NAALADL2: variants seen among roughly 807,000 people sequenced by gnomAD.
NAALADL2 encodes the protein N-acetylated alpha-linked acidic dipeptidase like 2.
A neutral mutation model predicts 87.2 loss-of-function variants in NAALADL2; 76 were observed. That is an observed-to-expected ratio of 0.87 (90% CI 0.72 to 1.05). NAALADL2 has a LOEUF of 1.05. Ranked by LOEUF, NAALADL2 falls within the 50% of genes least tolerant of loss-of-function variation. NAALADL2 has a pLI of 0.00. For synonymous variants in NAALADL2, 354 were observed against 331.0 expected, an observed-to-expected ratio of 1.07 and a Z score of -0.75; for missense variants, 1,089 against 945.8, an observed-to-expected ratio of 1.15 and a Z score of -1.99.
chr3:174,500,789 C>G (rs1305881772), intron 1 of NAALADL2, among the ~76,000 whole-genome samples: 1 of 151,606 alleles, frequency 6.6e-6, no homozygotes. Flanking sequence ...AAATGTTAAG[C>G]TAGCCTTGCG....
At chr3:174,687,628 G>C (rs1374981296) in intron 2 of NAALADL2, among the ~76,000 whole-genome samples, 1 of 152,110 alleles carries the variant, frequency 6.6e-6, no homozygotes, top group Non-Finnish European at 1.5e-5. Flanking sequence ...TAATTAGGAA[G>C]TGATGGGTTT....
intron 1 of NAALADL2, among the ~76,000 whole-genome samples, chr3:174,969,972 G>A (rs894201428): frequency 3.9e-5 from 6 of 152,180 alleles, no homozygotes; most frequent in African/African-American, 1.4e-4. Flanking sequence ...AAAACAGCAA[G>A]TCAGATGTTG....
Position 175,764,534 on chromosome 3 carries a change from C to A in NAALADL2, c.2189+9116C>A, listed in dbSNP as rs960114826. 5.1e-5 allele frequency among the ~76,000 whole-genome samples: 5 copies of A among 98,702 alleles called. No individual in the cohort carries two copies. In the Admixed American group the frequency reaches 5.2e-4, roughly 10 times the overall value. 64.8% of individuals were successfully genotyped at this position (98,702 alleles called of 152,430 possible). On this transcript the variant is annotated intron_variant, in intron 13 of 13. Coordinates refer to ENST00000454872, the MANE Select transcript of NAALADL2 (RefSeq NM_207015.3). ...GGGGACCATTTCAAGCTAATCCAAG[C>A]CAAGACCATTTTTTTTTTTGTTAGC... is the stretch of plus-strand genomic sequence containing the variant.
chr3:174,807,158 T>G (rs1016217480), intron 3 of NAALADL2, among the ~76,000 whole-genome samples: 1 of 152,150 alleles, frequency 6.6e-6, no homozygotes, highest in Non-Finnish European at 1.5e-5. Flanking sequence ...CTTTATGATG[T>G]GCTACTTTAA....
intron 12 of NAALADL2, 85 bp downstream of exon 12, chr3:175,737,484 GA>G: frequency 1.2e-6 from 1 of 815,300 alleles, no homozygotes; most frequent in South Asian, 1.4e-5. Context: ...AGTCATCAAT[GA>G]TCTTACTAGC....
At chr3:174,763,914 C>A (rs981765400) in intron 3 of NAALADL2, among the ~76,000 whole-genome samples, 2 of 151,682 alleles carry the variant, frequency 1.3e-5, no homozygotes, top group African/African-American at 2.4e-5. Flanking sequence ...TGGTGTGTAA[C>A]CAAAGTTAAC....
At chr3:175,022,933 C>A (rs186662604) in intron 1 of NAALADL2, among the ~76,000 whole-genome samples, 1 of 152,060 alleles carries the variant, frequency 6.6e-6, no homozygotes, top group Non-Finnish European at 1.5e-5. Context: ...CTCCCTGCTC[C>A]GGAAGAGCCC....
chr3:175,166,247 T>G (rs552161312), intron 2 of NAALADL2, among the ~76,000 whole-genome samples: 1 of 152,188 alleles, frequency 6.6e-6, no homozygotes, highest in Non-Finnish European at 1.5e-5. Flanking sequence ...GCACATAAAC[T>G]TATTATACAA....
intron 3 of NAALADL2, among the ~76,000 whole-genome samples, chr3:174,738,713 A>C (rs563021431): frequency 2.0e-5 from 3 of 152,294 alleles, no homozygotes; most frequent in South Asian, 4.1e-4. Flanking sequence ...TGTCTATAGA[A>C]TTTTGTTACT....
At chr3:174,601,354 A>C (rs977792192) in intron 2 of NAALADL2, among the ~76,000 whole-genome samples, 2 of 152,086 alleles carry the variant, frequency 1.3e-5, no homozygotes, top group African/African-American at 4.8e-5. Context: ...GTGAGATGCT[A>C]TCTCATTGTA....
intron 13 of NAALADL2, among the ~76,000 whole-genome samples, chr3:175,800,003 G>A (rs1323942268): frequency 6.6e-6 from 1 of 152,144 alleles, no homozygotes; most frequent in Non-Finnish European, 1.5e-5. Context: ...CCTGGTACTG[G>A]ATGATGAATC....
chr3:175,699,562 G>A (rs1738686745), intron 11 of NAALADL2, among the ~76,000 whole-genome samples: 1 of 151,988 alleles, frequency 6.6e-6, no homozygotes, highest in Non-Finnish European at 1.5e-5. Context: ...TCAGTTACTT[G>A]AGAGGTGAGA....
chr3:175,807,747 T>C lies in NAALADL2; in HGVS notation c.*4544T>C, dbSNP rs2108382468. 1 of 152,060 alleles carries C rather than the reference T, an allele frequency of 6.6e-6. No individual in the cohort carries two copies. The highest frequency in any genetic ancestry group is 2.1e-4 in the South Asian group (1 of 4,830). 9.4% of individuals were successfully genotyped at this position (152,060 alleles called of 1,614,324 possible). On this transcript the variant is annotated 3_prime_UTR_variant, in exon 14 of 14. Coordinates refer to ENST00000454872, the MANE Select transcript of NAALADL2 (RefSeq NM_207015.3). ...ATATATATATTCTGCCCAGCCACACTGGTGAGTTTTTATTTCTTGTATGAG... is the reference window on the plus strand; with the variant it reads ...ATATATATATTCTGCCCAGCCACACCGGTGAGTTTTTATTTCTTGTATGAG...
rs2108363894 is a variant in NAALADL2 at position 175,803,774 on chromosome 3, A to G, written c.*571A>G. The G allele has an allele frequency of 6.6e-6, 1 of 152,544 alleles. No homozygotes were observed. Among genetic ancestry groups the G allele is most frequent in the Non-Finnish European group, 1.5e-5 (1 of 67,930 alleles). The allele number at this position is 152,544 out of a possible 1,614,324, so 9.4% of individuals were successfully genotyped here. On this transcript the variant is annotated 3_prime_UTR_variant, in exon 14 of 14. Coordinates refer to ENST00000454872, the MANE Select transcript of NAALADL2 (RefSeq NM_207015.3). Reference sequence around the variant, plus strand: ...GATGTAGTAATACACTGGTTATGAAATTGTATTTTTTTAAGTATTAATGAA... The same window carrying G: ...GATGTAGTAATACACTGGTTATGAAGTTGTATTTTTTTAAGTATTAATGAA...
chr3:174,829,302 T>TC (rs1722357792), intron 3 of NAALADL2, among the ~76,000 whole-genome samples: 1 of 150,392 alleles, frequency 6.6e-6, no homozygotes, highest in Non-Finnish European at 1.5e-5. Flanking sequence ...AGTGTGATGT[T>TC]CCCCTTCCTG....
At chr3:175,088,017 A>G (rs1228615875) in intron 1 of NAALADL2, among the ~76,000 whole-genome samples, 4 of 152,036 alleles carry the variant, frequency 2.6e-5, no homozygotes, top group Non-Finnish European at 5.9e-5. Flanking sequence ...TCTTTCCATT[A>G]CTGTATTCCT....
chr3:175,311,898 A>C (rs1480156106), intron 4 of NAALADL2, among the ~76,000 whole-genome samples: 1 of 152,200 alleles, frequency 6.6e-6, no homozygotes, highest in Non-Finnish European at 1.5e-5. Context: ...AAATAACTTC[A>C]GATACATCAA....
chr3:174,882,611 GTGCATA>G (rs1729416838), intron 1 of NAALADL2, among the ~76,000 whole-genome samples: 4 of 136,368 alleles, frequency 2.9e-5, no homozygotes, highest in Admixed American at 2.8e-4. Flanking sequence ...ATACATATAT[GTGCATA>G]TGCATATATG....
chr3:175,769,953 A>AG (rs1553768863), intron 13 of NAALADL2, among the ~76,000 whole-genome samples: 4 of 147,400 alleles, frequency 2.7e-5, no homozygotes, highest in Admixed American at 2.0e-4. Context: ...TCTAAGGCAG[A>AG]TTTTTTTTTT....
Sources: gnomAD v4.1 joint callset for allele counts (sites outside exome capture counted in the v4.1 genomes callset) on GRCh38, gnomAD v4.1.1 for gene constraint, MANE v1.5 for transcripts, NCBI Gene and HGNC (gene_info 2026-07-23, HGNC 2026-07-21) for gene names.